The following PDE10A variants were observed in gnomAD, a reference collection of about 807,000 sequenced individuals.
PDE10A encodes cAMP and cAMP-inhibited cGMP 3',5'-cyclic phosphodiesterase 10A.
In PDE10A, 39 loss-of-function variants were observed where a neutral mutation model predicts 97.7. The ratio of observed to expected loss-of-function variants is 0.40; its 90% confidence interval spans 0.31 to 0.52. PDE10A has a LOEUF of 0.52. Among genes scored for constraint, PDE10A ranks in the 20% least tolerant of loss-of-function variants. The pLI is 0.56. For missense variants in PDE10A, 731 were observed against 1,047.8 expected, an observed-to-expected ratio of 0.70 and a Z score of 4.17; for synonymous variants, 371 against 376.8, an observed-to-expected ratio of 0.98 and a Z score of 0.18.
rs1284652237 is a variant in PDE10A at position 165,327,325 on chromosome 6, A to C, written c.*5700T>G. 6.6e-6 allele frequency: 1 copy of C among 152,240 alleles called. No homozygotes were observed. Among genetic ancestry groups the C allele is most frequent in the Non-Finnish European group, 1.5e-5 (1 of 68,040 alleles). The allele number at this position is 152,240 out of a possible 1,614,324, so 9.4% of individuals were successfully genotyped here. A position where few individuals can be genotyped will look rare whatever the true frequency, so the allele number is the denominator to read the frequency against. ...CTCTGTATTCAATTATTCACACCAA[A>C]GGATATCCATTAAAATTATGAACAT... On this transcript the variant is annotated 3_prime_UTR_variant, in exon 22 of 22. Coordinates refer to ENST00000539869, the MANE Select transcript of PDE10A (RefSeq NM_001385079.1).
chr6:165,705,312 C>T (rs1188354051), intron 1 of PDE10A, among the ~76,000 whole-genome samples: 2 of 152,240 alleles, frequency 1.3e-5, no homozygotes, highest in African/African-American at 4.8e-5. Flanking sequence ...GCCTTCATGC[C>T]ACTGCAGACT....
At chr6:165,647,377 A>G (rs1789454078) in intron 1 of PDE10A, among the ~76,000 whole-genome samples, 1 of 152,220 alleles carries the variant, frequency 6.6e-6, no homozygotes, top group South Asian at 2.1e-4. Flanking sequence ...GCTTTTAGAC[A>G]GGACCGAGTG....
chr6:165,500,585 G>A (rs1306401635), intron 2 of PDE10A, among the ~76,000 whole-genome samples: 2 of 152,186 alleles, frequency 1.3e-5, no homozygotes, highest in African/African-American at 4.8e-5. Context: ...CTCTGCCTAG[G>A]AAAGCCAGGT....
chr6:165,690,455 C>G (rs1187050039), intron 1 of PDE10A, among the ~76,000 whole-genome samples: 1 of 152,222 alleles, frequency 6.6e-6, no homozygotes, highest in Admixed American at 6.5e-5. Flanking sequence ...CAGCCTGGCT[C>G]TCCTCCAGTT....
At chr6:165,494,244 A>G (rs1485513503) in intron 2 of PDE10A, among the ~76,000 whole-genome samples, 3 of 152,096 alleles carry the variant, frequency 2.0e-5, no homozygotes, top group African/African-American at 7.2e-5. Context: ...TATGACCTCT[A>G]TGGAAAACAG....
At chr6:165,411,107 A>AAAAAAAAAAC in intron 13 of PDE10A, among the ~76,000 whole-genome samples, 1 of 148,734 alleles carries the variant, frequency 6.7e-6, no homozygotes, top group Non-Finnish European at 1.5e-5. Context: ...AAAAAAAAAA[A>AAAAAAAAAAC]AAGAAATATC....
intron 1 of PDE10A, among the ~76,000 whole-genome samples, chr6:165,982,483 G>C (rs560999942): frequency 1.6e-4 from 25 of 152,306 alleles, no homozygotes; most frequent in African/African-American, 6.0e-4. Flanking sequence ...AGTCCAATTA[G>C]GGTGACATTG....
At chr6:165,684,913 G>A (rs889014041) in intron 1 of PDE10A, among the ~76,000 whole-genome samples, 9 of 152,202 alleles carry the variant, frequency 5.9e-5, no homozygotes, top group Non-Finnish European at 1.0e-4. Flanking sequence ...TGAAAACCAG[G>A]AAGTGGACAG....
intron 1 of PDE10A, chr6:165,781,454 ACTAACTGCCACAT>A (rs1234603793): frequency 6.6e-6 from 1 of 152,214 alleles, no homozygotes; most frequent in Non-Finnish European, 1.5e-5. Context: ...GTACACACCA[ACTAACTGCCACAT>A]GTGGTGAGTG....
At chr6:165,843,949 G>T (rs1780332377) in intron 1 of PDE10A, among the ~76,000 whole-genome samples, 1 of 152,176 alleles carries the variant, frequency 6.6e-6, no homozygotes, top group Non-Finnish European at 1.5e-5. Flanking sequence ...TCTGGCAGAG[G>T]CAGCTCTGAC....
At chr6:165,809,037 G>A (rs77311321) in intron 1 of PDE10A, among the ~76,000 whole-genome samples, 2,346 of 152,308 alleles carry the variant, frequency 0.015, 56 homozygotes, top group African/African-American at 0.051. Context: ...ATGGTCCTGA[G>A]TTTGAACACA....
rs201575985 is a variant in PDE10A, at chr6:165,567,992, G to GC, written c.866-24425dup. 4.5e-3 allele frequency among the ~76,000 whole-genome samples: 330 copies of GC among 72,904 alleles called. 54 individuals carry two copies. The East Asian group carries it at 0.061, about 13-fold the overall frequency. 47.8% of individuals were successfully genotyped at this position (72,904 alleles called of 152,430 possible). A position where few individuals can be genotyped will look rare whatever the true frequency, so the allele number is the denominator to read the frequency against. On this transcript the variant is annotated intron_variant, in intron 1 of 21. Coordinates refer to ENST00000539869, the MANE Select transcript of PDE10A (RefSeq NM_001385079.1). ...CAGCACACAATAGGTACGCAACAAG[G>GC]CATTTTTTTTTTTTTTTTTTTTTTG...
intron 1 of PDE10A, among the ~76,000 whole-genome samples, chr6:165,659,250 A>G (rs901817309): frequency 1.3e-5 from 2 of 152,178 alleles, no homozygotes; most frequent in Admixed American, 6.5e-5. Context: ...GACAACTTGC[A>G]TATCAGACCA....
upstream of PDE10A, among the ~76,000 whole-genome samples, chr6:165,664,235 G>C (rs553208716): frequency 5.5e-4 from 84 of 152,146 alleles, no homozygotes; most frequent in African/African-American, 2.0e-3. Context: ...GGTGTGCCCC[G>C]GGTCCCGGGG....
At chr6:165,507,987 T>C (rs1781297447) in intron 2 of PDE10A, among the ~76,000 whole-genome samples, 1 of 152,120 alleles carries the variant, frequency 6.6e-6, no homozygotes, top group Non-Finnish European at 1.5e-5. Context: ...TTTCAAGGAA[T>C]ATTTCTACCC....
chr6:165,849,732 A>ACCT (rs1209868277), intron 1 of PDE10A, among the ~76,000 whole-genome samples: 3 of 152,160 alleles, frequency 2.0e-5, no homozygotes, highest in African/African-American at 7.2e-5. Flanking sequence ...CTTCTGAACA[A>ACCT]GTCAAGCTAG....
At chr6:165,442,205 C>G (rs1790519665) in intron 5 of PDE10A, among the ~76,000 whole-genome samples, 1 of 152,104 alleles carries the variant, frequency 6.6e-6, no homozygotes, top group Admixed American at 6.5e-5. Context: ...AGGTTAGTTA[C>G]ATATGTATAC....
intron 1 of PDE10A, among the ~76,000 whole-genome samples, chr6:165,677,629 G>A (rs1790836388): frequency 6.6e-6 from 1 of 152,176 alleles, no homozygotes; most frequent in African/African-American, 2.4e-5. Flanking sequence ...GATGTGCATA[G>A]GTTACATGCA....
intron 5 of PDE10A, among the ~76,000 whole-genome samples, chr6:165,438,313 C>T (rs1228708650): frequency 2.6e-5 from 4 of 152,132 alleles, no homozygotes; most frequent in Admixed American, 6.5e-5. Context: ...CTCAGCCTCC[C>T]GAGTAGCTGG....
Sources: gnomAD v4.1 joint callset for allele counts (sites outside exome capture counted in the v4.1 genomes callset) on GRCh38, gnomAD v4.1.1 for gene constraint, MANE v1.5 for transcripts, NCBI Gene and HGNC (gene_info 2026-07-23, HGNC 2026-07-21) for gene names.